The following NRG1 variants were observed in gnomAD, a reference collection of about 807,000 sequenced individuals.
NRG1 encodes pro-neuregulin-1, membrane-bound isoform.
NRG1 carries 18 observed loss-of-function variants against 63.8 expected under a neutral mutation model. The ratio of observed to expected loss-of-function variants is 0.28; its 90% CI spans 0.19 to 0.42. The LOEUF is 0.42. NRG1 is among the 10% of genes least tolerant of loss of function. The pLI is 1.00. For missense variants in NRG1, 762 were observed against 814.7 expected, an observed-to-expected ratio of 0.94 and a Z score of 0.79; for synonymous variants, 302 against 301.3, an observed-to-expected ratio of 1.00 and a Z score of -0.02.
At chr8:32,307,369 G>A (rs1309734845) in intron 1 of NRG1, among the ~76,000 whole-genome samples, 1 of 152,050 alleles carries the variant, frequency 6.6e-6, no homozygotes, top group Non-Finnish European at 1.5e-5. Flanking sequence ...CAGTCAGAAC[G>A]TGCAAGTTAG....
At chr8:31,928,975 A>G (rs1022932018) in intron 1 of NRG1, among the ~76,000 whole-genome samples, 1 of 152,130 alleles carries the variant, frequency 6.6e-6, no homozygotes, top group African/African-American at 2.4e-5. Context: ...CCACCATACA[A>G]TTCATCTCTG....
At chr8:32,448,670 AT>A (rs10712721) in intron 1 of NRG1, among the ~76,000 whole-genome samples, 22,703 of 151,438 alleles carry the variant, frequency 0.15, 2,186 homozygotes, top group Admixed American at 0.3. Context: ...TCAATTAGCT[AT>A]TTTTTTTTCT....
Position 32,694,664 on chromosome 8 carries a change from A to C in NRG1, c.503-33285A>C, listed in dbSNP as rs1812768645. ...CTAAAAGATATTGTCCTTTGAATTAAGCAGAACGTGTGGGTGTGTGCACAT... is the reference window on the plus strand; with the variant it reads ...CTAAAAGATATTGTCCTTTGAATTACGCAGAACGTGTGGGTGTGTGCACAT... On this transcript the variant is annotated intron_variant, in intron 5 of 11. Transcript: ENST00000356819. Among the ~76,000 whole-genome samples, 4 of 152,320 alleles carry C rather than the reference A, an allele frequency of 2.6e-5. No individual in the cohort carries two copies. The South Asian group carries it at 8.3e-4, about 32-fold the overall frequency.
chr8:32,062,944 C>T (rs1408981631), intron 1 of NRG1, among the ~76,000 whole-genome samples: 4 of 151,908 alleles, frequency 2.6e-5, no homozygotes, highest in Non-Finnish European at 5.9e-5. Flanking sequence ...CAATCTTTTC[C>T]TTATTTAATA....
intron 1 of NRG1, among the ~76,000 whole-genome samples, chr8:31,747,784 T>C (rs1816043281): frequency 1.3e-5 from 2 of 152,114 alleles, no homozygotes; most frequent in African/African-American, 2.4e-5. Flanking sequence ...TCTAGGAATA[T>C]GACTTGTTTC....
chr8:31,908,500 A>G (rs1832699703), intron 1 of NRG1, among the ~76,000 whole-genome samples: 1 of 152,192 alleles, frequency 6.6e-6, no homozygotes, highest in African/African-American at 2.4e-5. Flanking sequence ...CCAGAAGCTG[A>G]CACCAACAAT....
At chr8:32,178,091 A>G (rs1841001832) in intron 1 of NRG1, among the ~76,000 whole-genome samples, 1 of 152,076 alleles carries the variant, frequency 6.6e-6, no homozygotes, top group Non-Finnish European at 1.5e-5. Context: ...AAGGCCCAGA[A>G]TTCTGAAAAA....
intron 1 of NRG1, among the ~76,000 whole-genome samples, chr8:32,475,387 G>A (rs1316908138): frequency 6.7e-6 from 1 of 149,738 alleles, no homozygotes; most frequent in Admixed American, 6.7e-5. Flanking sequence ...TTCACTTGAA[G>A]CCGGGAGGTG....
chr8:31,705,824 T>A (rs983054014), intron 1 of NRG1, among the ~76,000 whole-genome samples: 1 of 152,164 alleles, frequency 6.6e-6, no homozygotes, highest in Non-Finnish European at 1.5e-5. Flanking sequence ...AATCCCACAC[T>A]ACTGTGATTC....
At chr8:32,292,756 A>G (rs967046534) in intron 1 of NRG1, among the ~76,000 whole-genome samples, 2 of 152,230 alleles carry the variant, frequency 1.3e-5, no homozygotes, top group African/African-American at 4.8e-5. Context: ...TTTATGAAGT[A>G]TATTGAGTTA....
rs1585398248 is a variant in NRG1 at position 31,650,031 on chromosome 8, T to G, written c.37+10600T>G. Among the ~76,000 whole-genome samples the G allele has an allele frequency of 2.0e-5, 3 of 152,182 alleles. No individual in the cohort carries two copies. In the South Asian group the frequency reaches 6.2e-4, roughly 32 times the overall value. On this transcript the variant is annotated intron_variant, in intron 1 of 10. Transcript: ENST00000519301. ...TCTTGCTCTGTCATCCAGGCGGGAG[T>G]GCAGTGGGACGATCTTGGCTCACTG...
At chr8:32,356,015 A>C (rs764575832) in intron 1 of NRG1, among the ~76,000 whole-genome samples, 3 of 152,038 alleles carry the variant, frequency 2.0e-5, no homozygotes, top group Non-Finnish European at 4.4e-5. Flanking sequence ...TAGCAGGAAA[A>C]ATTGGGGTTT....
chr8:32,515,485 T>C (rs1829731157), intron 1 of NRG1, among the ~76,000 whole-genome samples: 1 of 152,046 alleles, frequency 6.6e-6, no homozygotes, highest in Non-Finnish European at 1.5e-5. Context: ...CTCGCTCTGT[T>C]TCCCAGACCA....
intron 1 of NRG1, among the ~76,000 whole-genome samples, chr8:32,033,138 A>G (rs1389091505): frequency 9.7e-5 from 13 of 134,348 alleles, no homozygotes; most frequent in Admixed American, 3.4e-4. Flanking sequence ...TCTTCTGCCC[A>G]GGCTGGAGTG....
At chr8:32,530,582 G>A (rs1464004280) in intron 1 of NRG1, among the ~76,000 whole-genome samples, 5 of 152,190 alleles carry the variant, frequency 3.3e-5, no homozygotes, top group Non-Finnish European at 7.3e-5. Context: ...AGTCTCTCAA[G>A]TAGAACTGAT....
At chr8:31,731,773 A>G (rs1308747127) in intron 1 of NRG1, among the ~76,000 whole-genome samples, 1 of 152,226 alleles carries the variant, frequency 6.6e-6, no homozygotes, top group Admixed American at 6.5e-5. Context: ...TCAATATGCA[A>G]TTGCAATGTT....
At chr8:32,422,667 A>G (rs1389792851) in intron 1 of NRG1, among the ~76,000 whole-genome samples, 1 of 152,230 alleles carries the variant, frequency 6.6e-6, no homozygotes, top group Admixed American at 6.5e-5. Flanking sequence ...CTTTCTGCCT[A>G]CAGTGTAGTA....
intron 1 of NRG1, among the ~76,000 whole-genome samples, chr8:32,229,194 C>T (rs1343160665): frequency 6.6e-6 from 1 of 152,124 alleles, no homozygotes; most frequent in Non-Finnish European, 1.5e-5. Context: ...GGCTACTAGC[C>T]CTGTTGTGTG....
chr8:32,568,549 G>T (rs112266505), intron 1 of NRG1, among the ~76,000 whole-genome samples: 1 of 152,140 alleles, frequency 6.6e-6, no homozygotes, highest in South Asian at 2.1e-4. Flanking sequence ...TTCTTCTGCT[G>T]GGTGAAATCA....
Sources: allele counts gnomAD v4.1 joint callset (sites outside exome capture counted in the v4.1 genomes callset), GRCh38; gene constraint gnomAD v4.1.1; transcripts MANE v1.5; gene names NCBI Gene and HGNC (gene_info 2026-07-23, HGNC 2026-07-21).